UBR3: variants seen among roughly 807,000 people sequenced by gnomAD.
UBR3 encodes the protein E3 ubiquitin-protein ligase UBR3.
UBR3 carries 85 observed loss-of-function variants against 243.2 expected under a neutral mutation model. The observed-to-expected ratio is 0.35, with a 90% CI of 0.29 to 0.42. The LOEUF (loss-of-function observed/expected upper bound fraction) is 0.42. Among genes scored for constraint, UBR3 ranks in the 10% least tolerant of loss-of-function variants. The pLI, the probability that UBR3 is intolerant of heterozygous loss-of-function variation, is 1.00. For synonymous variants in UBR3, 748 were observed against 799.8 expected (o/e 0.94, Z 1.09); for missense variants, 1,686 against 2,300.8 (o/e 0.73, Z 5.47).
chr2:169,915,462 C>T (rs113932143), intron 11 of UBR3, among the ~76,000 whole-genome samples: 23,322 of 152,206 alleles, frequency 0.15, 1,962 homozygotes, highest in Admixed American at 0.22. Context: ...CCTGGAACTC[C>T]TGACCTCAGG....
intron 27 of UBR3, among the ~76,000 whole-genome samples, chr2:170,003,563 A>G (rs571780409): frequency 3.9e-5 from 6 of 152,172 alleles, no homozygotes; most frequent in East Asian, 3.9e-4. Flanking sequence ...CCTTCCCTCA[A>G]TGAGTTTACT....
chr2:169,985,210 A>G (rs999449105), intron 24 of UBR3, among the ~76,000 whole-genome samples: 1 of 144,594 alleles, frequency 6.9e-6, no homozygotes, highest in Non-Finnish European at 1.5e-5. Flanking sequence ...AAGTAGTCTC[A>G]TATCAACTCT....
intron 1 of UBR3, among the ~76,000 whole-genome samples, chr2:169,834,715 T>G (rs1043950381): frequency 1.3e-5 from 2 of 152,228 alleles, no homozygotes; most frequent in African/African-American, 4.8e-5. Flanking sequence ...TTAAAAATAT[T>G]TGAGTATGCA....
intron 1 of UBR3, among the ~76,000 whole-genome samples, chr2:169,855,384 G>C (rs1465590111): frequency 6.6e-6 from 1 of 150,614 alleles, no homozygotes; most frequent in Non-Finnish European, 1.5e-5. Context: ...ATCATTCTTG[G>C]GTGTTTCTCG....
chr2:169,982,536 A>G (rs556710883), intron 24 of UBR3, among the ~76,000 whole-genome samples: 201 of 152,272 alleles, frequency 1.3e-3, no homozygotes, highest in Non-Finnish European at 2.4e-3. Context: ...ATTTGTGAAT[A>G]TGGAAGCTTT....
chr2:170,008,658 C>G, intron 28 of UBR3, 146 bp from the exon 29 acceptor site: 1 of 471,408 alleles, frequency 2.1e-6, no homozygotes, highest in South Asian at 4.5e-5. Flanking sequence ...ACTTTGTACA[C>G]TAAATATATT....
chr2:169,858,757 A>G (rs140135987), intron 1 of UBR3, among the ~76,000 whole-genome samples: 1,976 of 151,524 alleles, frequency 0.013, 23 homozygotes, highest in Middle Eastern at 0.038. Context: ...CCTCCACCAC[A>G]CCCAGCTAAT....
chr2:170,055,558 T>A lies in UBR3; in HGVS notation c.4759T>A (p.Trp1587Arg). 6.2e-7 allele frequency: 1 copy of A among 1,613,582 alleles called. No individual in the cohort carries two copies. Among genetic ancestry groups the A allele is most frequent in the Non-Finnish European group, 8.5e-7 (1 of 1,179,614 alleles). ...ATGCAGCGAAGAAGATAGGTCAGCC[T>A]GGAAACACGCGGGAGCTCTCAAAAA... ...VKCSEEDRSA[W>R]KHAGALKKST... The change falls in exon 33 of 39, where the codon TGG becomes AGG. Residue 1587 changes from tryptophan (W) to arginine (R), a missense_variant. Coordinates refer to ENST00000272793, the MANE Select transcript of UBR3 (RefSeq NM_172070.4).
At chr2:169,986,892 C>A in intron 25 of UBR3, 98 bp downstream of exon 25, 1 of 1,273,682 alleles carries the variant, frequency 7.9e-7, no homozygotes, top group South Asian at 1.5e-5. Flanking sequence ...ATATCTTTGT[C>A]TACTTATAAC....
At chr2:170,048,782 G>C (rs959714445) in intron 32 of UBR3, among the ~76,000 whole-genome samples, 2 of 152,132 alleles carry the variant, frequency 1.3e-5, no homozygotes, top group Non-Finnish European at 2.9e-5. Flanking sequence ...GTATGCTGAG[G>C]TTACTAAGAT....
intron 1 of UBR3, among the ~76,000 whole-genome samples, chr2:169,842,793 C>T (rs1245307565): frequency 3.3e-5 from 5 of 152,210 alleles, no homozygotes; most frequent in East Asian, 3.9e-4. Context: ...TGTAACACCG[C>T]GAGGGTCCGC....
In UBR3 at chr2:170,005,285, T is replaced by G. The variant is rs16857403; in HGVS notation, c.4030-1705T>G. Among the ~76,000 whole-genome samples the G allele has an allele frequency of 6.4e-3, 974 of 152,282 alleles. 11 individuals are homozygous for G. The highest frequency in any genetic ancestry group is 0.022 in the African/African-American group (912 of 41,572). On this transcript the variant is annotated intron_variant, in intron 27 of 38. Coordinates refer to ENST00000272793, the MANE Select transcript of UBR3 (RefSeq NM_172070.4). ...TGGGATTGGATGAGAGAGTGCTTCCTAGGATGTAGAGAAAGAGTGCCAGGC... is the reference window on the plus strand; with the variant it reads ...TGGGATTGGATGAGAGAGTGCTTCCGAGGATGTAGAGAAAGAGTGCCAGGC...
In UBR3 at chr2:169,949,734, C is replaced by T. The variant is rs966159542; in HGVS notation, c.3214C>T (p.Pro1072Ser). Residue 1072 changes from proline to serine, a missense_variant, in exon 23 of 39, where the codon CCT becomes TCT. Physicochemically the swap from Pro to Ser is moderately conservative, Grantham distance 74. Around this residue, in one of 8 missense-constraint regions of UBR3, gnomAD observed 300 missense variants for 314.4 expected, o/e 0.95. Coordinates refer to ENST00000272793, the MANE Select transcript of UBR3 (RefSeq NM_172070.4). ...CAAAACTTCAAGTAAATGGTCTGCTCCTGGTTCAGCTCCACAGTTAACTAC... is the reference window on the plus strand; with the variant it reads ...CAAAACTTCAAGTAAATGGTCTGCTTCTGGTTCAGCTCCACAGTTAACTAC... ...RPKTSSKWSAPGSAPQLTTAI... is the reference protein window; with the variant it reads ...RPKTSSKWSASGSAPQLTTAI... 3 of 1,551,490 alleles carry T rather than the reference C, an allele frequency of 1.9e-6. No homozygotes were observed. The African/African-American group carries it at 4.1e-5, about 21-fold the overall frequency.
At position 169,906,132 on chromosome 2, in the gene UBR3, A is replaced by G. The variant is rs770456997; in HGVS notation, c.1747A>G (p.Met583Val). The G allele has an allele frequency of 5.7e-5, 89 of 1,549,692 alleles. No individual in the cohort carries two copies. The highest frequency in any genetic ancestry group is 6.6e-5 in the Non-Finnish European group (76 of 1,146,484). Reference sequence around the variant, plus strand: ...TGAACTTGAGGCCTGTGCACAGCCAATGTGGGGGCTTTTATCACATTGTAA... The same window carrying G: ...TGAACTTGAGGCCTGTGCACAGCCAGTGTGGGGGCTTTTATCACATTGTAA... ...AAELEACAQPMWGLLSHCKVR... is the reference protein window; with the variant it reads ...AAELEACAQPVWGLLSHCKVR... Residue 583 changes from methionine to valine, a missense_variant, in exon 10 of 39, where the codon ATG becomes GTG. By Grantham distance (21) the Met-to-Val change is conservative. Transcript: ENST00000272793.
At chr2:169,841,864 C>T (rs1260606491) in intron 1 of UBR3, among the ~76,000 whole-genome samples, 10 of 152,354 alleles carry the variant, frequency 6.6e-5, no homozygotes, top group East Asian at 1.9e-4. Flanking sequence ...ACGAGCACCA[C>T]CCCCTACTCC....
At chr2:169,891,343 G>A (rs2084367587) in intron 6 of UBR3, 112 bp downstream of exon 6, 3 of 700,856 alleles carry the variant, frequency 4.3e-6, no homozygotes, top group Non-Finnish European at 7.1e-6. Flanking sequence ...TGTTTGAAGG[G>A]AGGCTTATGT....
At chr2:169,844,560 C>T (rs1054121739) in intron 1 of UBR3, among the ~76,000 whole-genome samples, 1 of 145,874 alleles carries the variant, frequency 6.9e-6, no homozygotes, top group Non-Finnish European at 1.5e-5. Flanking sequence ...GTGGTGCAGT[C>T]GTGGCTCACT....
intron 23 of UBR3, among the ~76,000 whole-genome samples, chr2:169,955,093 T>G (rs766674111): frequency 5.9e-5 from 9 of 152,210 alleles, no homozygotes; most frequent in Admixed American, 3.3e-4. Flanking sequence ...GGCAGGAATG[T>G]AAATGAAGTG....
At chr2:169,883,746 C>T (rs2105319030) in intron 5 of UBR3, among the ~76,000 whole-genome samples, 1 of 152,258 alleles carries the variant, frequency 6.6e-6, no homozygotes, top group Middle Eastern at 3.4e-3. Flanking sequence ...ATGGCTATTA[C>T]AGAGTTTTAA....
Sources: gnomAD v4.1 joint callset for allele counts (sites outside exome capture counted in the v4.1 genomes callset) on GRCh38, gnomAD v4.1.1 for gene constraint, gnomAD v4.1.1 regional missense constraint, MANE v1.5 for transcripts, NCBI Gene and HGNC (gene_info 2026-07-23, HGNC 2026-07-21) for gene names.